The following ABCD4 variants were observed in gnomAD, a reference collection of about 807,000 sequenced individuals.
The protein encoded by ABCD4 is ATP binding cassette subfamily D member 4.
Under a neutral mutation model 86.3 loss-of-function variants are expected in ABCD4, and 53 were observed. That is an observed-to-expected ratio of 0.61 (90% CI 0.49 to 0.77). The LOEUF is 0.77. ABCD4 is among the 30% of genes least tolerant of loss of function. The pLI, the probability that ABCD4 is intolerant of heterozygous loss-of-function variation, is 0.00. For synonymous variants in ABCD4, 328 were observed against 313.6 expected (o/e 1.05, Z -0.49); for missense variants, 757 against 764.5 (o/e 0.99, Z 0.12).
At chr14:74,289,621 G>A (rs2080899519) in intron 13 of ABCD4, 102 bp from the exon 14 acceptor site, 2 of 1,536,868 alleles carry the variant, frequency 1.3e-6, no homozygotes, top group African/African-American at 2.8e-5. Context: ...CTCCCAAGGA[G>A]GAGAGGTGGG....
In ABCD4 at chr14:74,295,845, G is replaced by T; in HGVS notation, c.668+9C>A. On this transcript the variant is annotated intron_variant, in intron 6 of 18. Coordinates refer to ENST00000356924, the MANE Select transcript of ABCD4 (RefSeq NM_005050.4). ...CCCAGCCCAGAAACCTCAAGTGAGG[G>T]AGACACACCTAAAATCTCCCTCCAG... 4 of 1,613,264 alleles carry T rather than the reference G, an allele frequency of 2.5e-6. No homozygotes were observed. In the Admixed American group the frequency reaches 6.7e-5, roughly 27 times the overall value.
chr14:74,287,993 C>T, intron 16 of ABCD4, 107 bp from the exon 17 acceptor site: 1 of 1,182,270 alleles, frequency 8.5e-7, no homozygotes, highest in Non-Finnish European at 1.2e-6. Context: ...AGGTGAGCCC[C>T]AGGAGACAGA....
At chr14:74,300,063 C>CA (rs10557205) in intron 2 of ABCD4, 87 bp downstream of exon 2, 5,584 of 327,038 alleles carry the variant, frequency 0.017, 2 homozygotes, top group South Asian at 0.02. Context: ...AACTCTGTCT[C>CA]AAAAAAAAAA....
Position 74,301,310 on chromosome 14 carries a change from T to C in ABCD4, c.39-1042A>G, listed in dbSNP as rs184506863. 1.2e-3 allele frequency among the ~76,000 whole-genome samples: 187 copies of C among 151,872 alleles called. 1 individual carries two copies. Among genetic ancestry groups the C allele is most frequent in the African/African-American group, 4.3e-3 (178 of 41,408 alleles). ...TAGTGGCTGGGAGTACGGGCGTGCG[T>C]CAACACGCTCAGCTAATTTTTGTAT... On this transcript the variant is annotated intron_variant, in intron 1 of 18. Transcript: ENST00000356924.
rs746853496 is a variant in ABCD4, at chr14:74,292,306, T to A, written c.1099A>T (p.Ser367Cys). The A allele has an allele frequency of 3.1e-6, 5 of 1,614,048 alleles. No homozygotes were observed. The South Asian group carries it at 5.5e-5, about 18-fold the overall frequency. ...KSQDCEILGE[S>C]EWGLDTPPGW... ...ACTCACGTGTCCAAGCCCCACTCGC[T>A]CTCGCCCAGGATCTCGCAGTCCTGT... Residue 367 changes from serine (S) to cysteine (C), a missense_variant, in exon 11 of 19, where the codon AGC becomes TGC. Coordinates refer to ENST00000356924, the MANE Select transcript of ABCD4 (RefSeq NM_005050.4).
At chr14:74,288,141 A>G in intron 16 of ABCD4, 66 bp downstream of exon 16, 1 of 1,556,666 alleles carries the variant, frequency 6.4e-7, no homozygotes, top group Admixed American at 1.8e-5. Flanking sequence ...ATTCCTTGAC[A>G]GGGACCCTGA....
At chr14:74,293,011 G>A in intron 8 of ABCD4, 142 bp from the exon 9 acceptor site, 1 of 1,472,570 alleles carries the variant, frequency 6.8e-7, no homozygotes, top group Non-Finnish European at 9.3e-7. Context: ...CTCACAGAAA[G>A]GCAACAGCCC....
chr14:74,296,097 A>C lies in ABCD4; in HGVS notation c.543-118T>G, dbSNP rs191684744. On this transcript the variant is annotated intron_variant, in intron 5 of 18. Coordinates refer to ENST00000356924, the MANE Select transcript of ABCD4 (RefSeq NM_005050.4). ...GCCCCTGTCCAATCTGAGTGGCCCA[A>C]TGGGCCCTCTGCTCCTATGTGGGGG... 2.4e-4 allele frequency: 320 copies of C among 1,354,414 alleles called. No homozygotes were observed. The African/African-American group carries it at 4.3e-3, about 18-fold the overall frequency. 83.9% of individuals were successfully genotyped at this position (1,354,414 alleles called of 1,614,324 possible). A position where few individuals can be genotyped will look rare whatever the true frequency, so the allele number is the denominator to read the frequency against.
At chr14:74,289,448 A>G (rs1259317536) in intron 14 of ABCD4, 35 bp downstream of exon 14, 14 of 1,613,042 alleles carry the variant, frequency 8.7e-6, no homozygotes, top group Non-Finnish European at 1.2e-5. Context: ...ACCATGACAG[A>G]AGGAGAGGAC....
chr14:74,287,310 AG>A (rs1470938696), intron 17 of ABCD4, among the ~76,000 whole-genome samples: 1 of 152,158 alleles, frequency 6.6e-6, no homozygotes, highest in East Asian at 1.9e-4. Flanking sequence ...GCACTTTGGG[AG>A]GCCAACGTGG....
chr14:74,297,940 T>C lies in ABCD4; in HGVS notation c.415A>G (p.Ile139Val), dbSNP rs1163332637. 4 of 1,613,234 alleles carry C rather than the reference T, an allele frequency of 2.5e-6. No individual in the cohort carries two copies. In the Admixed American group the frequency reaches 6.7e-5, roughly 27 times the overall value. ...YYTLNVLRDD[I>V]DNPDQRISQD... Reference sequence around the variant, plus strand: ...AGTTGGGGCGCCTACGGGTTATCGATGTCATCCCGCAGCACGTTGAGGGTG... The same window carrying C: ...AGTTGGGGCGCCTACGGGTTATCGACGTCATCCCGCAGCACGTTGAGGGTG... The change falls in exon 4 of 19, where the codon ATC becomes GTC. Residue 139 changes from isoleucine (I) to valine (V), a missense_variant. Coordinates refer to ENST00000356924, the MANE Select transcript of ABCD4 (RefSeq NM_005050.4).
intron 7 of ABCD4, 46 bp downstream of exon 7, chr14:74,295,100 ACT>A (rs2082499434): frequency 1.9e-6 from 3 of 1,604,492 alleles, no homozygotes; most frequent in African/African-American, 2.7e-5. Context: ...TTCCTTCTCC[ACT>A]CTCAGCTCTG....
intron 3 of ABCD4, among the ~76,000 whole-genome samples, chr14:74,298,429 G>A (rs1321177800): frequency 2.0e-5 from 3 of 151,998 alleles, no homozygotes; most frequent in Admixed American, 6.6e-5. Context: ...GCACCACCAC[G>A]CCCAGCTAAT....
chr14:74,288,740 C>A lies in ABCD4; in HGVS notation c.1482G>T (p.Leu494Phe). 6.2e-7 allele frequency: 1 copy of A among 1,613,850 alleles called. No homozygotes were observed. Among genetic ancestry groups the A allele is most frequent in the Non-Finnish European group, 8.5e-7 (1 of 1,179,922 alleles). ...CCAGGCCTGCCAATTCCAAGAACCT[C>A]AAGATCCTCTCATCATCGGCAGAAC... ...DSGSADDERI[L>F]RFLELAGLSN... is the part of the protein sequence containing the mutation. The change falls in exon 15 of 19, where the codon TTG becomes TTT. Residue 494 changes from leucine (L) to phenylalanine (F), a missense_variant. Physicochemically the swap from Leu to Phe is conservative, Grantham distance 22 (BLOSUM62 0). Coordinates refer to ENST00000356924, the MANE Select transcript of ABCD4 (RefSeq NM_005050.4).
At chr14:74,299,265 T>C (rs1295941947) in intron 3 of ABCD4, 1 of 290,594 alleles carries the variant, frequency 3.4e-6, no homozygotes, top group Non-Finnish European at 6.5e-6. Flanking sequence ...AAATAAGAGT[T>C]CTAGGAAGGA....
Position 74,286,321 on chromosome 14 carries a change from G to T in ABCD4, c.*140C>A. ...CTGGGCTCAGCCCACCACTGCTAGG[G>T]GTCCTGCACAGGACCCATGTGGCTC... On this transcript the variant is annotated 3_prime_UTR_variant, in exon 19 of 19. Coordinates refer to ENST00000356924, the MANE Select transcript of ABCD4 (RefSeq NM_005050.4). The T allele has an allele frequency of 1.2e-6, 1 of 825,248 alleles. No individual in the cohort carries two copies. The allele number at this position is 825,248 out of a possible 1,614,324, so 51.1% of individuals were successfully genotyped here. A position where few individuals can be genotyped will look rare whatever the true frequency, so the allele number is the denominator to read the frequency against.
rs74063813 is a variant in ABCD4 at position 74,292,499 on chromosome 14, G to T, written c.1028+52C>A. The T allele has an allele frequency of 0.012, 19,588 of 1,601,488 alleles. 2,008 individuals are homozygous for T. In the African/African-American group the frequency reaches 0.23, roughly 19 times the overall value. ...TTCCTTTTTTCACTCAGCCACTTCT[G>T]CCAGCAGCACACACTTTGCTCAGGA... On this transcript the variant is annotated intron_variant, in intron 10 of 18. Coordinates refer to ENST00000356924, the MANE Select transcript of ABCD4 (RefSeq NM_005050.4).
intron 2 of ABCD4, 87 bp downstream of exon 2, chr14:74,300,063 C>CAA (rs10557205): frequency 2.4e-3 from 781 of 328,246 alleles, no homozygotes; most frequent in South Asian, 3.0e-3. Context: ...AACTCTGTCT[C>CAA]AAAAAAAAAA....
intron 15 of ABCD4, 145 bp from the exon 16 acceptor site, chr14:74,288,404 T>A: frequency 1.3e-6 from 1 of 766,060 alleles, no homozygotes. Flanking sequence ...CGGGGGACTG[T>A]GGGACAGTCT....
Sources: allele counts gnomAD v4.1 joint callset (sites outside exome capture counted in the v4.1 genomes callset), GRCh38; gene constraint gnomAD v4.1.1; transcripts MANE v1.5; gene names NCBI Gene and HGNC (gene_info 2026-07-23, HGNC 2026-07-21).